The following ARHGEF11 variants were observed in gnomAD, a reference collection of about 807,000 sequenced individuals.
The protein encoded by ARHGEF11 is Rho guanine nucleotide exchange factor 11, also known as Rho guanine exchange factor (GEF) 11.
In ARHGEF11, 55 loss-of-function variants were observed where a neutral mutation model predicts 193.7. That is an observed-to-expected ratio of 0.28 (90% CI 0.23 to 0.36). The LOEUF is 0.36. ARHGEF11 is among the 10% of genes least tolerant of loss of function. The probability of loss-of-function intolerance (pLI) is 1.00; values close to 1 mark genes in which losing one functional copy is unlikely to be tolerated. For missense variants in ARHGEF11, 1,723 were observed against 2,005.6 expected, an observed-to-expected ratio of 0.86 and a Z score of 2.69; for synonymous variants, 693 against 768.0, an observed-to-expected ratio of 0.90 and a Z score of 1.62.
At chr1:157,008,006 C>T (rs1165950289) in intron 1 of ARHGEF11, among the ~76,000 whole-genome samples, 2 of 145,716 alleles carry the variant, frequency 1.4e-5, no homozygotes, top group East Asian at 2.0e-4. Context: ...TCCAAAAATG[C>T]TTATTAAATA....
At chr1:156,968,684 A>G (rs1662075794) in intron 10 of ARHGEF11, among the ~76,000 whole-genome samples, 1 of 152,256 alleles carries the variant, frequency 6.6e-6, no homozygotes, top group African/African-American at 2.4e-5. Context: ...ACTCTGGCTA[A>G]GCAAATATTT....
In ARHGEF11 at chr1:156,940,343, C is replaced by G; in HGVS notation, c.3597G>C (p.Glu1199Asp). 6.2e-7 allele frequency: 1 copy of G among 1,613,970 alleles called. No individual in the cohort carries two copies. Reference protein sequence around the residue: ...DPEQEGSAEEEELGVLPCPST... With the variant: ...DPEQEGSAEEDELGVLPCPST... ...AAGGGCAAGGCAGGACACCCAGTTC[C>G]TCTTCCTCTGCACTGCCCTCCTGCT... Residue 1199 changes from glutamate (E) to aspartate (D), a missense_variant, in exon 36 of 41, where the codon GAG (glutamate) becomes GAC (aspartate). Transcript: ENST00000368194.
At chr1:156,988,101 C>T (rs545663932) in intron 1 of ARHGEF11, among the ~76,000 whole-genome samples, 4 of 152,298 alleles carry the variant, frequency 2.6e-5, no homozygotes, top group South Asian at 4.1e-4. Flanking sequence ...GCCTGATGCC[C>T]GGGGAAGTGC....
intron 1 of ARHGEF11, among the ~76,000 whole-genome samples, chr1:156,998,205 A>G (rs1666784822): frequency 6.6e-6 from 1 of 152,096 alleles, no homozygotes; most frequent in South Asian, 2.1e-4. Flanking sequence ...CACCATCTTC[A>G]CCCCTTAGTA....
At chr1:157,030,848 T>C (rs547073282) in intron 1 of ARHGEF11, among the ~76,000 whole-genome samples, 86 of 152,268 alleles carry the variant, frequency 5.6e-4, no homozygotes, top group Admixed American at 7.2e-4. Context: ...CAAATACATC[T>C]TGTAGTGCAG....
At chr1:156,970,530 T>C (rs1223672574) in intron 8 of ARHGEF11, among the ~76,000 whole-genome samples, 3 of 152,206 alleles carry the variant, frequency 2.0e-5, no homozygotes, top group Non-Finnish European at 2.9e-5. Context: ...ATTTAATCTT[T>C]CAATGGCTCT....
At position 156,944,346 on chromosome 1, in the gene ARHGEF11, C is replaced by T. The variant is rs1168766393; in HGVS notation, c.3067+12G>A. On this transcript the variant is annotated intron_variant, in intron 31 of 40. Coordinates refer to ENST00000368194, the MANE Select transcript of ARHGEF11 (RefSeq NM_198236.3). ...ACAGGTTCCTGCTCAGTCCCAGTCC[C>T]CTGGCACATACCCAAGGTCTTATCC... The T allele has an allele frequency of 1.9e-6, 3 of 1,613,914 alleles. No individual in the cohort carries two copies. Among genetic ancestry groups the T allele is most frequent in the Non-Finnish European group, 2.5e-6 (3 of 1,179,834 alleles).
intron 2 of ARHGEF11, among the ~76,000 whole-genome samples, chr1:156,985,448 G>A (rs1664774780): frequency 6.6e-6 from 1 of 152,122 alleles, no homozygotes; most frequent in South Asian, 2.1e-4. Context: ...TTTTGAGACA[G>A]AGTCTTGCTC....
rs116757416 is a variant in ARHGEF11, at chr1:156,942,277, A to T, written c.3327-288T>A. On this transcript the variant is annotated intron_variant, in intron 33 of 40. Coordinates refer to ENST00000368194, the MANE Select transcript of ARHGEF11 (RefSeq NM_198236.3). ...CATTAGCCACATTTTACAGATGAAA[A>T]CCCTGGAGTTGGGAAACAGTCTGAC... 5.3e-3 allele frequency among the ~76,000 whole-genome samples: 811 copies of T among 152,188 alleles called. 10 individuals carry two copies. Among genetic ancestry groups the T allele is most frequent in the African/African-American group, 0.019 (775 of 41,520 alleles).
At chr1:156,938,614 G>A (rs1380715580) in intron 37 of ARHGEF11, 101 bp from the exon 38 acceptor site, 4 of 1,095,832 alleles carry the variant, frequency 3.7e-6, no homozygotes, top group Non-Finnish European at 5.4e-6. Context: ...GTGGGGACAG[G>A]GGGAGGAGAA....
At chr1:156,980,825 T>G (rs1664031457) in intron 3 of ARHGEF11, among the ~76,000 whole-genome samples, 1 of 50,532 alleles carries the variant, frequency 2.0e-5, no homozygotes, top group Non-Finnish European at 3.2e-5. Flanking sequence ...GTCAAATCAG[T>G]TATATTCCGG....
chr1:157,022,044 C>A (rs970819917), intron 1 of ARHGEF11, among the ~76,000 whole-genome samples: 3 of 152,164 alleles, frequency 2.0e-5, no homozygotes, highest in African/African-American at 7.2e-5. Flanking sequence ...AAATCCTCTA[C>A]CTGATGAACA....
At chr1:156,963,328 G>C in intron 12 of ARHGEF11, 24 bp from the exon 13 acceptor site, 1 of 1,603,186 alleles carries the variant, frequency 6.2e-7, no homozygotes, top group Non-Finnish European at 8.5e-7. Flanking sequence ...GGATGAGCAT[G>C]GTGGGAAGCC....
chr1:156,938,713 G>C (rs1656083527), intron 37 of ARHGEF11, 200 bp from the exon 38 acceptor site: 1 of 519,724 alleles, frequency 1.9e-6, no homozygotes, highest in South Asian at 2.9e-5. Flanking sequence ...GAGAGACAGA[G>C]AAGGAAGGTC....
At chr1:156,953,934 G>A (rs76237190) in intron 21 of ARHGEF11, among the ~76,000 whole-genome samples, 3,149 of 152,266 alleles carry the variant, frequency 0.021, 57 homozygotes, top group South Asian at 0.056. Flanking sequence ...GCAGTCAAAC[G>A]TCAAAAGAGA....
intron 1 of ARHGEF11, among the ~76,000 whole-genome samples, chr1:157,014,526 T>C (rs1476923642): frequency 6.6e-6 from 1 of 152,064 alleles, no homozygotes; most frequent in Non-Finnish European, 1.5e-5. Context: ...AATTCTCTCT[T>C]AAAGGAAAAA....
chr1:156,971,766 C>A lies in ARHGEF11; in HGVS notation c.633G>T (p.Gln211His). 6.2e-7 allele frequency: 1 copy of A among 1,613,968 alleles called. No homozygotes were observed. The highest frequency in any genetic ancestry group is 8.5e-7 in the Non-Finnish European group (1 of 1,180,014). ...TGACTCGCCGCCGGGCACCTTCGAT[C>A]TGCTCTTCCAGTAGGCTGGCGGGGT... ...SRNPASLLEE[Q>H]IEGARRRVTQ... The change falls in exon 8 of 41, where the codon CAG becomes CAT. Residue 211 changes from glutamine to histidine, a missense_variant. Gln to His is a conservative substitution (Grantham distance 24, BLOSUM62 0). Around this residue, in one of 5 missense-constraint regions of ARHGEF11, gnomAD observed 646 missense variants for 710.7 expected, o/e 0.91. Coordinates refer to ENST00000368194, the MANE Select transcript of ARHGEF11 (RefSeq NM_198236.3).
chr1:156,976,481 C>T (rs2102367014), intron 7 of ARHGEF11, among the ~76,000 whole-genome samples: 1 of 152,258 alleles, frequency 6.6e-6, no homozygotes, highest in East Asian at 1.9e-4. Flanking sequence ...AGCCTAGAAA[C>T]TAAAACAGTG....
At chr1:156,942,898 G>A (rs1047223717) in intron 32 of ARHGEF11, 118 bp from the exon 33 acceptor site, 9 of 779,578 alleles carry the variant, frequency 1.2e-5, no homozygotes, top group East Asian at 2.5e-5. Flanking sequence ...GATGGAGAGT[G>A]CAGCACGAGA....
Sources: gnomAD v4.1 joint callset for allele counts (sites outside exome capture counted in the v4.1 genomes callset) on GRCh38, gnomAD v4.1.1 for gene constraint, gnomAD v4.1.1 regional missense constraint, MANE v1.5 for transcripts, NCBI Gene and HGNC (gene_info 2026-07-23, HGNC 2026-07-21) for gene names.